The following DAAM2 variants were observed in gnomAD, a reference collection of about 807,000 sequenced individuals.
The protein encoded by DAAM2 is dishevelled associated activator of morphogenesis 2, also known as disheveled-associated activator of morphogenesis 2.
In DAAM2, 39 loss-of-function variants were observed where a neutral mutation model predicts 120.7. That is an observed-to-expected ratio of 0.32 (90% CI 0.25 to 0.42). DAAM2 has a LOEUF of 0.42. DAAM2 is among the 10% of genes least tolerant of loss of function. The pLI, the probability that DAAM2 is intolerant of heterozygous loss-of-function variation, is 1.00. For synonymous variants in DAAM2, 488 were observed against 524.9 expected (o/e 0.93, Z 0.96); for missense variants, 1,283 against 1,401.7 (o/e 0.92, Z 1.35).
Position 39,901,533 on chromosome 6 carries a change from C to T in DAAM2, c.2982+61C>T. Reference sequence around the variant, plus strand: ...ACGGGTGCTACTTGGGGAGAACACCCCCAAACTGGGGTGTGTGGGAGGAGG... The same window carrying T: ...ACGGGTGCTACTTGGGGAGAACACCTCCAAACTGGGGTGTGTGGGAGGAGG... On this transcript the variant is annotated intron_variant, in intron 24 of 24. Coordinates refer to ENST00000274867, the MANE Select transcript of DAAM2 (RefSeq NM_001201427.2). The surrounding 1 kb of genome is among the most constrained non-coding windows in gnomAD (Gnocchi z 4.5). The T allele has an allele frequency of 6.5e-7, 1 of 1,540,738 alleles. No individual in the cohort carries two copies. Among genetic ancestry groups the T allele is most frequent in the South Asian group, 1.2e-5 (1 of 83,288 alleles).
At chr6:39,841,313 G>C (rs1763326172) in intron 1 of DAAM2, among the ~76,000 whole-genome samples, 1 of 134,092 alleles carries the variant, frequency 7.5e-6, no homozygotes, top group African/African-American at 3.1e-5. Context: ...GAAGGGTTGG[G>C]GAGGGGCTTC....
rs1187321376 is a variant in DAAM2 at position 39,896,991 on chromosome 6, C to T, written c.2510+11C>T. 5.6e-6 allele frequency: 9 copies of T among 1,597,226 alleles called. No individual in the cohort carries two copies. Among genetic ancestry groups the T allele is most frequent in the Non-Finnish European group, 7.7e-6 (9 of 1,172,048 alleles). ...GTCCAGCATCGACAGGTGAGGACCTCCCTTCCCGGCCACTTCCTTGGCCTC... is the reference window on the plus strand; with the variant it reads ...GTCCAGCATCGACAGGTGAGGACCTTCCTTCCCGGCCACTTCCTTGGCCTC... On this transcript the variant is annotated intron_variant, in intron 20 of 24. Coordinates refer to ENST00000274867, the MANE Select transcript of DAAM2 (RefSeq NM_001201427.2).
chr6:39,842,544 A>G lies in DAAM2; in HGVS notation c.-56-13703A>G, dbSNP rs186512635. On this transcript the variant is annotated intron_variant, in intron 1 of 24. Coordinates refer to ENST00000274867, the MANE Select transcript of DAAM2 (RefSeq NM_001201427.2). ...GCTACTTGGGAGGCTGAGGCAGGAG[A>G]ATCGCTTGAACCCGGGAGGCGGAGG... Among the ~76,000 whole-genome samples, 1,315 of 152,226 alleles carry G rather than the reference A, an allele frequency of 8.6e-3. 13 individuals carry two copies. The highest frequency in any genetic ancestry group is 0.029 in the African/African-American group (1,204 of 41,522).
At position 39,896,970 on chromosome 6, in the gene DAAM2, A is replaced by G; in HGVS notation, c.2500A>G (p.Ser834Gly). The change falls in exon 20 of 25, where the codon AGC (serine) becomes GGC (glycine). Residue 834 changes from serine to glycine, a missense_variant. Transcript: ENST00000274867. The part of the protein sequence containing the change: ...SLNKIADTKS[S>G]IDRNISLLHY... Reference sequence around the variant, plus strand: ...CAACAAGATCGCTGACACCAAGTCCAGCATCGACAGGTGAGGACCTCCCTT... The same window carrying G: ...CAACAAGATCGCTGACACCAAGTCCGGCATCGACAGGTGAGGACCTCCCTT... 3 of 1,608,724 alleles carry G rather than the reference A, an allele frequency of 1.9e-6. No homozygotes were observed. The highest frequency in any genetic ancestry group is 2.2e-5 in the South Asian group (2 of 89,990).
intron 1 of DAAM2, among the ~76,000 whole-genome samples, chr6:39,818,196 A>C (rs993196678): frequency 6.8e-6 from 1 of 146,896 alleles, no homozygotes; most frequent in Non-Finnish European, 1.5e-5. Context: ...AAAAAAAAAA[A>C]AAAAAAAAAA....
rs1157732860 is a variant in DAAM2 at position 39,867,717 on chromosome 6, C to T, written c.636C>T (p.Asn212=). 1.2e-6 allele frequency: 2 copies of T among 1,613,936 alleles called. No individual in the cohort carries two copies. The highest frequency in any genetic ancestry group is 2.7e-5 in the African/African-American group (2 of 74,938). The change falls in exon 6 of 25, where the codon AAC becomes AAT. Residue 212 remains asparagine, a synonymous_variant. Transcript: ENST00000274867. ...TAGCCCAGAGCCTACGCACAGAGAA[C>T]AGCAAGACCAAGGTGGCTGTGCTGG... ...STIAQSLRTE[N]SKTKVAVLEI...
intron 5 of DAAM2, among the ~76,000 whole-genome samples, chr6:39,866,494 T>A (rs1412466134): frequency 1.3e-5 from 2 of 152,372 alleles, no homozygotes; most frequent in Non-Finnish European, 1.5e-5. Context: ...TTTTCTTAGA[T>A]CATTAATTAT....
In DAAM2 at chr6:39,878,964, C is replaced by CGT. The variant is rs1265836905; in HGVS notation, c.1546-205_1546-204dup. On this transcript the variant is annotated intron_variant, in intron 13 of 24. Coordinates refer to ENST00000274867, the MANE Select transcript of DAAM2 (RefSeq NM_001201427.2). The surrounding 1 kb of genome is among the most constrained non-coding windows in gnomAD (Gnocchi z 5.0). ...GATTGTCCAGTGTCCGTGTGCGTGA[C>CGT]GTGTGTGTGTCTGTGGTGGTGGTGT... 6.6e-6 allele frequency among the ~76,000 whole-genome samples: 1 copy of CGT among 151,686 alleles called. No individual in the cohort carries two copies. The highest frequency in any genetic ancestry group is 1.9e-4 in the East Asian group (1 of 5,180).
intron 1 of DAAM2, among the ~76,000 whole-genome samples, chr6:39,794,197 T>G (rs1761631363): frequency 6.6e-6 from 1 of 151,812 alleles, no homozygotes; most frequent in African/African-American, 2.4e-5. Context: ...TAAACAGGAG[T>G]GACTGGTCCC....
At chr6:39,827,582 G>A (rs1278542826) in intron 1 of DAAM2, among the ~76,000 whole-genome samples, 8 of 152,112 alleles carry the variant, frequency 5.3e-5, no homozygotes, top group Non-Finnish European at 7.4e-5. Flanking sequence ...AGGTGCCCCC[G>A]GGCCTGGTAG....
At chr6:39,886,483 T>C in intron 15 of DAAM2, 1 of 399,382 alleles carries the variant, frequency 2.5e-6, no homozygotes, top group Non-Finnish European at 4.4e-6. Flanking sequence ...ACTCCAACTT[T>C]TAACTGCTGT....
chr6:39,867,930 A>G, intron 6 of DAAM2, 87 bp downstream of exon 6: 1 of 1,218,740 alleles, frequency 8.2e-7, no homozygotes, highest in Non-Finnish European at 1.1e-6. Flanking sequence ...TCTTTGCAGC[A>G]GAAACTGGGG....
At chr6:39,867,446 C>T in intron 5 of DAAM2, 64 bp from the exon 6 acceptor site, 1 of 1,521,852 alleles carries the variant, frequency 6.6e-7, no homozygotes. Flanking sequence ...AAGGGGGTAA[C>T]TATTTGCAAA....
At chr6:39,849,043 A>G (rs1256261501) in intron 1 of DAAM2, 2 of 152,260 alleles carry the variant, frequency 1.3e-5, no homozygotes, top group South Asian at 2.1e-4. Flanking sequence ...CCAGTACGAT[A>G]TATTAAGTGG....
rs772498031 is a variant in DAAM2, at chr6:39,901,963, C to T, written c.3133C>T (p.Arg1045Cys). The change falls in exon 25 of 25, where the codon CGC becomes TGC. Residue 1045 changes from arginine (R) to cysteine (C), a missense_variant. Around this residue, in one of 3 missense-constraint regions of DAAM2, gnomAD observed 748 missense variants for 768.6 expected, o/e 0.97. Transcript: ENST00000274867. The surrounding 1 kb of genome is among the most constrained non-coding windows in gnomAD (Gnocchi z 4.5). ...VFDKDLCKLK[R>C]SRKRSGSQAL... is the part of the protein sequence containing the mutation. ...CGACAAGGACTTATGCAAGCTCAAG[C>T]GCAGCCGCAAGCGATCAGGGAGCCA... 3.7e-6 allele frequency: 6 copies of T among 1,612,230 alleles called. No homozygotes were observed. Among genetic ancestry groups the T allele is most frequent in the African/African-American group, 2.7e-5 (2 of 74,890 alleles).
intron 1 of DAAM2, among the ~76,000 whole-genome samples, chr6:39,794,442 C>T (rs1414832789): frequency 6.6e-6 from 1 of 152,100 alleles, no homozygotes; most frequent in Non-Finnish European, 1.5e-5. Flanking sequence ...TCCAGCGCCT[C>T]GGATGCTGAG....
chr6:39,901,000 C>T lies in DAAM2; in HGVS notation c.2812-302C>T, dbSNP rs141240768. On this transcript the variant is annotated intron_variant, in intron 23 of 24. Transcript: ENST00000274867. Reference sequence around the variant, plus strand: ...AAGTTCTGAGTTCTGCCAGCCTCTTCCTGACCTCAGGAAGGGCTTCCCAAG... The same window carrying T: ...AAGTTCTGAGTTCTGCCAGCCTCTTTCTGACCTCAGGAAGGGCTTCCCAAG... Among the ~76,000 whole-genome samples the T allele has an allele frequency of 1.9e-3, 283 of 152,248 alleles. 1 individual carries two copies. Among genetic ancestry groups the T allele is most frequent in the Middle Eastern group, 0.01 (3 of 294 alleles).
At chr6:39,833,165 T>C (rs959736308) in intron 1 of DAAM2, among the ~76,000 whole-genome samples, 5 of 152,164 alleles carry the variant, frequency 3.3e-5, no homozygotes, top group African/African-American at 1.2e-4. Flanking sequence ...CCTCCTCTCT[T>C]CTCTGGAGGT....
chr6:39,816,697 G>A (rs1204508362), intron 1 of DAAM2, among the ~76,000 whole-genome samples: 1 of 152,180 alleles, frequency 6.6e-6, no homozygotes, highest in Non-Finnish European at 1.5e-5. Context: ...GAGAAGAAAG[G>A]TATGGAGGAG....
Sources: allele counts gnomAD v4.1 joint callset (sites outside exome capture counted in the v4.1 genomes callset), GRCh38; gene constraint gnomAD v4.1.1; regional missense constraint gnomAD v4.1.1; non-coding constraint Gnocchi (gnomAD v3.1); transcripts MANE v1.5; gene names NCBI Gene and HGNC (gene_info 2026-07-23, HGNC 2026-07-21).